The following RAB18 variants were observed in gnomAD, a reference collection of about 807,000 sequenced individuals.
RAB18 encodes the protein RAB18, member RAS oncogene family, also known as ras-related protein Rab-18.
A neutral mutation model predicts 28.5 loss-of-function variants in RAB18; 10 were observed. That is an observed-to-expected ratio of 0.35 (90% CI 0.22 to 0.60). The LOEUF is 0.60. Among genes scored for constraint, RAB18 ranks in the 20% least tolerant of loss-of-function variants. RAB18 has a pLI of 0.78. For missense variants in RAB18, 188 were observed against 244.2 expected (o/e 0.77, Z 1.53); for synonymous variants, 93 against 86.9 (o/e 1.07, Z -0.39).
intron 6 of RAB18, among the ~76,000 whole-genome samples, chr10:27,535,312 C>T (rs549645553): frequency 6.6e-6 from 1 of 152,116 alleles, no homozygotes; most frequent in East Asian, 1.9e-4. Context: ...TATTTGTGGC[C>T]CAAGACTATT....
rs779578624 is a variant in RAB18 at position 27,538,230 on chromosome 10, T to C, written c.*179T>C. On this transcript the variant is annotated 3_prime_UTR_variant, in exon 7 of 7. Coordinates refer to ENST00000356940, the MANE Select transcript of RAB18 (RefSeq NM_021252.5). The stretch of plus-strand genomic sequence containing the variant: ...CCCGGGTAAAATGTTATGGTAAGCA[T>C]GCACAGTTTGCAGTCTACAGTTTTT... 13 of 803,308 alleles carry C rather than the reference T, an allele frequency of 1.6e-5. No homozygotes were observed. Among genetic ancestry groups the C allele is most frequent in the African/African-American group, 3.4e-5 (2 of 58,872 alleles). The allele number at this position is 803,308 out of a possible 1,614,324, so 49.8% of individuals were successfully genotyped here.
chr10:27,542,171 C>G lies in RAB18; in HGVS notation c.*4120C>G. The G allele has an allele frequency of 2.2e-6, 1 of 454,036 alleles. No individual in the cohort carries two copies. Among genetic ancestry groups the G allele is most frequent in the Middle Eastern group, 6.9e-4 (1 of 1,444 alleles). 28.1% of individuals were successfully genotyped at this position (454,036 alleles called of 1,614,324 possible). A position where few individuals can be genotyped will look rare whatever the true frequency, so the allele number is the denominator to read the frequency against. ...TTGGGAACTTCTGGATCAAATTGGA[C>G]CTGAATTGAGATCTATTTCTCAGCT... is the stretch of plus-strand genomic sequence containing the variant. On this transcript the variant is annotated 3_prime_UTR_variant, in exon 7 of 7. Transcript: ENST00000356940.
chr10:27,539,565 AAG>A lies in RAB18; in HGVS notation c.*1516_*1517del, dbSNP rs1223958275. ...AGATTTACTACTAGAAATTTGGAGAAAGAACACTAACACATGTACTTGTGATT... is the reference window on the plus strand; with the variant it reads ...AGATTTACTACTAGAAATTTGGAGAAAACACTAACACATGTACTTGTGATT... On this transcript the variant is annotated 3_prime_UTR_variant, in exon 7 of 7. Transcript: ENST00000356940. The A allele has an allele frequency of 1.4e-5, 6 of 416,818 alleles. No individual in the cohort carries two copies. Among genetic ancestry groups the A allele is most frequent in the South Asian group, 8.8e-5 (5 of 57,046 alleles). 25.8% of individuals were successfully genotyped at this position (416,818 alleles called of 1,614,324 possible).
At chr10:27,536,003 A>C (rs1589591381) in intron 6 of RAB18, among the ~76,000 whole-genome samples, 1 of 150,180 alleles carries the variant, frequency 6.7e-6, no homozygotes, top group East Asian at 1.9e-4. Flanking sequence ...GAATTGCTTG[A>C]ACCTGGGAGG....
At position 27,517,434 on chromosome 10, in the gene RAB18, G is replaced by A. The variant is rs544352056; in HGVS notation, c.124+7504G>A. On this transcript the variant is annotated intron_variant, in intron 2 of 6. Transcript: ENST00000356940. ...GCTGCATTTGTTTTGTAGATAGATA[G>A]ACCCAAAAGATACAGATAAAGGCAT... Among the ~76,000 whole-genome samples, 3 of 152,180 alleles carry A rather than the reference G, an allele frequency of 2.0e-5. No individual in the cohort carries two copies. In the East Asian group the frequency reaches 5.8e-4, roughly 29 times the overall value.
intron 2 of RAB18, among the ~76,000 whole-genome samples, chr10:27,520,937 A>AG (rs1488281053): frequency 1.1e-4 from 17 of 150,278 alleles, no homozygotes; most frequent in Admixed American, 6.6e-5. Flanking sequence ...AAAAAAAAAA[A>AG]AAAAGAAAAT....
chr10:27,508,260 AT>A (rs1837900993), intron 1 of RAB18, among the ~76,000 whole-genome samples: 3 of 152,180 alleles, frequency 2.0e-5, no homozygotes, highest in Admixed American at 2.0e-4. Flanking sequence ...CATGCCACCA[AT>A]TCCCTGCCTC....
rs1411903643 is a variant in RAB18, at chr10:27,539,009, A to T, written c.*958A>T. On this transcript the variant is annotated 3_prime_UTR_variant, in exon 7 of 7. Coordinates refer to ENST00000356940, the MANE Select transcript of RAB18 (RefSeq NM_021252.5). ...GTTTTGAGGGGTGGGGAAAAAAAAC[A>T]CTAAGTGATAATTTGAAAAAGGCAT... The T allele has an allele frequency of 1.2e-5, 5 of 429,696 alleles. No homozygotes were observed. Among genetic ancestry groups the T allele is most frequent in the South Asian group, 8.2e-5 (5 of 61,194 alleles). 26.6% of individuals were successfully genotyped at this position (429,696 alleles called of 1,614,324 possible).
chr10:27,541,767 C>T lies in RAB18; in HGVS notation c.*3716C>T, dbSNP rs764132620. Reference sequence around the variant, plus strand: ...ATATGTTTGTGACTGACTTTAATTTCTTGTTTGTGTGTGCTGTGGCTGCCC... The same window carrying T: ...ATATGTTTGTGACTGACTTTAATTTTTTGTTTGTGTGTGCTGTGGCTGCCC... On this transcript the variant is annotated 3_prime_UTR_variant, in exon 7 of 7. Coordinates refer to ENST00000356940, the MANE Select transcript of RAB18 (RefSeq NM_021252.5). The T allele has an allele frequency of 2.2e-6, 1 of 452,512 alleles. No homozygotes were observed. Among genetic ancestry groups the T allele is most frequent in the South Asian group, 1.6e-5 (1 of 64,412 alleles). 28.0% of individuals were successfully genotyped at this position (452,512 alleles called of 1,614,324 possible). A position where few individuals can be genotyped will look rare whatever the true frequency, so the allele number is the denominator to read the frequency against.
intron 1 of RAB18, among the ~76,000 whole-genome samples, chr10:27,505,697 C>T (rs374365052): frequency 6.6e-4 from 101 of 152,202 alleles, no homozygotes; most frequent in African/African-American, 1.9e-3. Flanking sequence ...GTAGCTGGGA[C>T]TACAGGCGCG....
intron 3 of RAB18, chr10:27,528,199 C>A (rs554874564): frequency 5.0e-6 from 2 of 403,208 alleles, no homozygotes; most frequent in Non-Finnish European, 9.7e-6. Context: ...TGAGATTTTT[C>A]TCTCATAGTT....
intron 2 of RAB18, among the ~76,000 whole-genome samples, chr10:27,525,836 T>G (rs1834661099): frequency 6.6e-6 from 1 of 152,260 alleles, no homozygotes; most frequent in Non-Finnish European, 1.5e-5. Context: ...ATTTCCATAT[T>G]GGTGACAGGT....
chr10:27,538,984 G>T lies in RAB18; in HGVS notation c.*933G>T. 2.3e-6 allele frequency: 1 copy of T among 434,462 alleles called. No individual in the cohort carries two copies. The highest frequency in any genetic ancestry group is 4.7e-6 in the Non-Finnish European group (1 of 215,044). The allele number at this position is 434,462 out of a possible 1,614,324, so 26.9% of individuals were successfully genotyped here. ...TTGATATTCAAAAACCTATTTCTGT[G>T]TTTTGAGGGGTGGGGAAAAAAAACA... is the stretch of plus-strand genomic sequence containing the variant. On this transcript the variant is annotated 3_prime_UTR_variant, in exon 7 of 7. Transcript: ENST00000356940.
chr10:27,517,807 TCC>T (rs1247919952), intron 2 of RAB18, among the ~76,000 whole-genome samples: 2 of 152,294 alleles, frequency 1.3e-5, no homozygotes, highest in Non-Finnish European at 2.9e-5. Flanking sequence ...ACCAAATAGT[TCC>T]ATCATCCCCA....
In RAB18 at chr10:27,540,280, A is replaced by G. The variant is rs1313739443; in HGVS notation, c.*2229A>G. The stretch of plus-strand genomic sequence containing the variant: ...AGTACTCCTATTATGCCCATTTTAA[A>G]GGTGAGGACAACACAATGTAGGTAT... On this transcript the variant is annotated 3_prime_UTR_variant, in exon 7 of 7. Coordinates refer to ENST00000356940, the MANE Select transcript of RAB18 (RefSeq NM_021252.5). 6.6e-6 allele frequency: 3 copies of G among 453,964 alleles called. No homozygotes were observed. Among genetic ancestry groups the G allele is most frequent in the Non-Finnish European group, 1.3e-5 (3 of 226,776 alleles). 28.1% of individuals were successfully genotyped at this position (453,964 alleles called of 1,614,324 possible).
At chr10:27,528,813 TC>T (rs987394623) in intron 3 of RAB18, among the ~76,000 whole-genome samples, 1 of 152,190 alleles carries the variant, frequency 6.6e-6, no homozygotes, top group South Asian at 2.1e-4. Context: ...GCCTTTTTTT[TC>T]AGTTTATACT....
intron 3 of RAB18, among the ~76,000 whole-genome samples, chr10:27,529,540 A>G (rs991869621): frequency 2.0e-5 from 3 of 151,798 alleles, no homozygotes; most frequent in Non-Finnish European, 4.4e-5. Flanking sequence ...GCCTTTTCCT[A>G]TGTCCTTGCT....
At chr10:27,506,203 G>A (rs764730822) in intron 1 of RAB18, among the ~76,000 whole-genome samples, 7 of 152,110 alleles carry the variant, frequency 4.6e-5, no homozygotes, top group Non-Finnish European at 8.8e-5. Context: ...ATTTCATGTA[G>A]TTCAACCCAA....
chr10:27,542,028 C>T lies in RAB18; in HGVS notation c.*3977C>T, dbSNP rs1446160043. ...CTTTTTCAGGAGCAATTGAAGACAT[C>T]TTGTTGGAGATAGTGTGCTGGGAGG... is the stretch of plus-strand genomic sequence containing the variant. On this transcript the variant is annotated 3_prime_UTR_variant, in exon 7 of 7. Transcript: ENST00000356940. 4 of 454,042 alleles carry T rather than the reference C, an allele frequency of 8.8e-6. No homozygotes were observed. Among genetic ancestry groups the T allele is most frequent in the Non-Finnish European group, 1.8e-5 (4 of 226,766 alleles). 28.1% of individuals were successfully genotyped at this position (454,042 alleles called of 1,614,324 possible). A position where few individuals can be genotyped will look rare whatever the true frequency, so the allele number is the denominator to read the frequency against.
Sources: allele counts gnomAD v4.1 joint callset (sites outside exome capture counted in the v4.1 genomes callset), GRCh38; gene constraint gnomAD v4.1.1; transcripts MANE v1.5; gene names NCBI Gene and HGNC (gene_info 2026-07-23, HGNC 2026-07-21).